FDPS: variants seen among roughly 807,000 people sequenced by gnomAD.
FDPS encodes farnesyl diphosphate synthase.
FDPS carries 29 observed loss-of-function variants against 49.5 expected under a neutral mutation model. The observed-to-expected ratio is 0.59, with a 90% CI of 0.44 to 0.80. The LOEUF is 0.80. FDPS is among the 30% of genes least tolerant of loss of function. FDPS has a pLI of 0.00. For synonymous variants in FDPS, 172 were observed against 206.4 expected, an observed-to-expected ratio of 0.83 and a Z score of 1.43; for missense variants, 414 against 525.6, an observed-to-expected ratio of 0.79 and a Z score of 2.08.
At chr1:155,311,793 T>C (rs912663843) in intron 3 of FDPS, among the ~76,000 whole-genome samples, 4 of 151,962 alleles carry the variant, frequency 2.6e-5, no homozygotes, top group African/African-American at 4.8e-5. Context: ...GCCAACATGG[T>C]GAAACTCTGT....
At chr1:155,309,750 C>A (rs1053633387) in intron 1 of FDPS, 39 bp from the exon 2 acceptor site, 1 of 1,476,810 alleles carries the variant, frequency 6.8e-7, no homozygotes, top group Non-Finnish European at 9.1e-7. Context: ...CTTGCCCCTG[C>A]AGGGAGTGCT....
intron 3 of FDPS, among the ~76,000 whole-genome samples, chr1:155,311,291 A>T (rs1265473339): frequency 6.6e-6 from 1 of 152,188 alleles, no homozygotes; most frequent in Non-Finnish European, 1.5e-5. Context: ...GTGAGCCGTG[A>T]TTGTGCCACT....
intron 3 of FDPS, among the ~76,000 whole-genome samples, chr1:155,311,150 C>A (rs984745176): frequency 6.6e-5 from 10 of 152,036 alleles, no homozygotes; most frequent in Admixed American, 6.6e-4. Flanking sequence ...CCAGCCTGGT[C>A]AACATGGTGA....
Position 155,312,414 on chromosome 1 carries a change from G to A in FDPS, c.480+19G>A, listed in dbSNP as rs1322723223. On this transcript the variant is annotated intron_variant, in intron 4 of 10. Transcript: ENST00000368356. ...GGAACTGGTGAGAGGGGTAGGGCAA[G>A]GGAGAAGAAGTTTCCTGCAATGGTG... The A allele has an allele frequency of 2.5e-6, 4 of 1,609,084 alleles. No homozygotes were observed. In the African/African-American group the frequency reaches 5.3e-5, roughly 22 times the overall value.
intron 4 of FDPS, chr1:155,316,716 G>A (rs1481215297): frequency 6.6e-6 from 1 of 151,906 alleles, no homozygotes; most frequent in Admixed American, 6.6e-5. Context: ...GCTTGAATTT[G>A]GGAGGCGGAG....
At position 155,320,129 on chromosome 1, in the gene FDPS, T is replaced by C. The variant is rs183159854; in HGVS notation, c.1059+201T>C. On this transcript the variant is annotated intron_variant, in intron 10 of 10. Transcript: ENST00000368356. ...GCCAAAGATGTTGCCAAACATGTAG[T>C]ACACAGAACAGCTCCCCCAGACAGG... 4.0e-4 allele frequency: 267 copies of C among 670,646 alleles called. 1 individual carries two copies. The African/African-American group carries it at 4.4e-3, about 11-fold the overall frequency. 41.5% of individuals were successfully genotyped at this position (670,646 alleles called of 1,614,324 possible). A position where few individuals can be genotyped will look rare whatever the true frequency, so the allele number is the denominator to read the frequency against.
chr1:155,317,951 T>A lies in FDPS; in HGVS notation c.491T>A (p.Phe164Tyr). The stretch of plus-strand genomic sequence containing the variant: ...TTCCACTCTTTCTAGCTGCAAGCTT[T>A]CTTCCTGGTGGCAGATGACATCATG... ...VGWCVELLQA[F>Y]FLVADDIMDS... The change falls in exon 5 of 11, where the codon TTC (phenylalanine) becomes TAC (tyrosine). Residue 164 changes from phenylalanine to tyrosine, a missense_variant. Phe to Tyr is a conservative substitution (Grantham distance 22). Transcript: ENST00000368356. 1 of 1,612,678 alleles carries A rather than the reference T, an allele frequency of 6.2e-7. No homozygotes were observed. Among genetic ancestry groups the A allele is most frequent in the East Asian group, 2.2e-5 (1 of 44,902 alleles).
At chr1:155,317,645 G>C (rs545701796) in intron 4 of FDPS, 1 of 237,442 alleles carries the variant, frequency 4.2e-6, no homozygotes, top group Admixed American at 5.1e-5. Context: ...AAACCAGCCT[G>C]AGCAACATAG....
chr1:155,319,964 G>T, intron 10 of FDPS, 36 bp downstream of exon 10: 1 of 1,610,412 alleles, frequency 6.2e-7, no homozygotes, highest in Non-Finnish European at 8.5e-7. Flanking sequence ...CTGAGTTGGT[G>T]GAAAGGGATA....
chr1:155,317,711 G>T (rs1042136843), intron 4 of FDPS: 5 of 461,478 alleles, frequency 1.1e-5, no homozygotes, highest in East Asian at 7.2e-5. Context: ...CAGGCATGGG[G>T]TATGTGCCTA....
intron 3 of FDPS, among the ~76,000 whole-genome samples, chr1:155,311,062 G>A (rs1011797952): frequency 1.6e-4 from 24 of 152,140 alleles, no homozygotes; most frequent in African/African-American, 4.6e-4. Flanking sequence ...GTCTTGGCCC[G>A]GCATGGTGGC....
In FDPS at chr1:155,309,867, GC is replaced by G; in HGVS notation, c.79del (p.Leu27TrpfsTer41). On this transcript the variant is annotated frameshift_variant, in exon 2 of 11. Coordinates refer to ENST00000368356, the MANE Select transcript of FDPS (RefSeq NM_002004.4). LOFTEE classifies it high-confidence loss of function. ...CCTACTGGGCACCCCGGGAGAGGTG[GC>G]TGGGTTCCCTACGGCGGCCCTCCCT... is the stretch of plus-strand genomic sequence containing the variant. ...APYWAPRERW[L>X]GSLRRPSLVH... 6.3e-7 allele frequency: 1 copy of G among 1,589,546 alleles called. No homozygotes were observed. The highest frequency in any genetic ancestry group is 8.6e-7 in the Non-Finnish European group (1 of 1,166,820).
Position 155,320,655 on chromosome 1 carries a change from C to T in FDPS, c.*46C>T, listed in dbSNP as rs780459441. The T allele has an allele frequency of 6.2e-7, 1 of 1,602,408 alleles. No homozygotes were observed. The highest frequency in any genetic ancestry group is 1.1e-5 in the South Asian group (1 of 90,814). On this transcript the variant is annotated 3_prime_UTR_variant, in exon 11 of 11. Transcript: ENST00000368356. ...GGAGAGGAGGCTCTCAATAAATAATCGTGTAACCTTCTTGTGGTTCTGTTC... is the reference window on the plus strand; with the variant it reads ...GGAGAGGAGGCTCTCAATAAATAATTGTGTAACCTTCTTGTGGTTCTGTTC...
chr1:155,318,498 AG>A lies in FDPS; in HGVS notation c.685-165del. ...GTGTAATTGGAAGAAAGGGTGATAA[AG>A]GACTGTGTGTATGAATATGGGCCTT... On this transcript the variant is annotated intron_variant, in intron 6 of 10. Coordinates refer to ENST00000368356, the MANE Select transcript of FDPS (RefSeq NM_002004.4). The surrounding 1 kb of genome is among the most constrained non-coding windows in gnomAD (Gnocchi z 4.2). 1 of 813,798 alleles carries A rather than the reference AG, an allele frequency of 1.2e-6. No homozygotes were observed. The highest frequency in any genetic ancestry group is 2.0e-6 in the Non-Finnish European group (1 of 497,326). 50.4% of individuals were successfully genotyped at this position (813,798 alleles called of 1,614,324 possible). A position where few individuals can be genotyped will look rare whatever the true frequency, so the allele number is the denominator to read the frequency against.
intron 4 of FDPS, among the ~76,000 whole-genome samples, chr1:155,313,304 G>C (rs755867829): frequency 3.9e-5 from 6 of 152,178 alleles, no homozygotes; most frequent in Non-Finnish European, 5.9e-5. Context: ...GTTCGTCTTG[G>C]TCTTGAAGGT....
rs1176001973 is a variant in FDPS at position 155,312,291 on chromosome 1, C to T, written c.376C>T (p.Arg126Trp). The T allele has an allele frequency of 5.0e-6, 8 of 1,613,978 alleles. No individual in the cohort carries two copies. The highest frequency in any genetic ancestry group is 1.1e-5 in the South Asian group (1 of 91,070). ...CAATGCCATTGGAGGCAAGTATAAC[C>T]GGGGTTTGACGGTGGTAGTAGCATT... is the stretch of plus-strand genomic sequence containing the variant. Reference protein sequence around the residue: ...EYNAIGGKYNRGLTVVVAFRE... With the variant: ...EYNAIGGKYNWGLTVVVAFRE... The change falls in exon 4 of 11, where the codon CGG becomes TGG. Residue 126 changes from arginine to tryptophan, a missense_variant. Coordinates refer to ENST00000368356, the MANE Select transcript of FDPS (RefSeq NM_002004.4).
Position 155,315,282 on chromosome 1 carries a change from T to C in FDPS, c.481-2659T>C, listed in dbSNP as rs570834300. 3.3e-4 allele frequency among the ~76,000 whole-genome samples: 50 copies of C among 152,322 alleles called. No individual in the cohort carries two copies. In the South Asian group the frequency reaches 9.7e-3, roughly 30 times the overall value. On this transcript the variant is annotated intron_variant, in intron 4 of 10. Transcript: ENST00000368356. The stretch of plus-strand genomic sequence containing the variant: ...CTTCTAGGCCAAGTGTAGTGGCTCA[T>C]GCCTGTAATCCCAGCACTTTGGGAG...
intron 3 of FDPS, among the ~76,000 whole-genome samples, chr1:155,310,725 C>T (rs1177546201): frequency 6.6e-6 from 1 of 152,146 alleles, no homozygotes; most frequent in Non-Finnish European, 1.5e-5. Flanking sequence ...GTGGGTCATC[C>T]AAACTGCTTT....
At position 155,318,964 on chromosome 1, in the gene FDPS, A is replaced by G; in HGVS notation, c.846+36A>G. The G allele has an allele frequency of 6.6e-7, 1 of 1,518,570 alleles. No homozygotes were observed. Among genetic ancestry groups the G allele is most frequent in the Non-Finnish European group, 9.1e-7 (1 of 1,094,564 alleles). The allele number at this position is 1,518,570 out of a possible 1,614,324, so 94.1% of individuals were successfully genotyped here. On this transcript the variant is annotated intron_variant, in intron 8 of 10. Transcript: ENST00000368356. The surrounding 1 kb of genome is among the most constrained non-coding windows in gnomAD (Gnocchi z 4.2). ...CTCCTCACCCCTCTCTGCTCTGCTG[A>G]TGGGGGCTTTTGGACAGCAAGGCAT...
Sources: gnomAD v4.1 joint callset for allele counts (sites outside exome capture counted in the v4.1 genomes callset) on GRCh38, gnomAD v4.1.1 for gene constraint, Gnocchi (gnomAD v3.1) non-coding constraint, MANE v1.5 for transcripts, NCBI Gene and HGNC (gene_info 2026-07-23, HGNC 2026-07-21) for gene names.